The following ST7L variants were observed in gnomAD, a reference collection of about 807,000 sequenced individuals.
ST7L encodes suppression of tumorigenicity 7 like.
A neutral mutation model predicts 72.5 loss-of-function variants in ST7L; 57 were observed. The observed-to-expected ratio is 0.79, with a 90% confidence interval of 0.64 to 0.98. ST7L has a LOEUF of 0.98. Ranked by LOEUF, ST7L falls within the 50% of genes least tolerant of loss-of-function variation. The pLI is 0.00. For synonymous variants in ST7L, 221 were observed against 240.9 expected, an observed-to-expected ratio of 0.92 and a Z score of 0.77; for missense variants, 576 against 672.2, an observed-to-expected ratio of 0.86 and a Z score of 1.58.
intron 5 of ST7L, among the ~76,000 whole-genome samples, chr1:112,594,421 G>C (rs6691917): frequency 0.3 from 45,500 of 151,964 alleles, 7,549 homozygotes; most frequent in African/African-American, 0.44. Context: ...TATTCTGGCC[G>C]TGTATTCAAG....
chr1:112,525,539 C>A lies in ST7L; in HGVS notation c.*474G>T. ...CATCTCGGTGGCTATTCCTCATTTA[C>A]TTAAGATGTTTTAGTCATTCTGGAT... is the stretch of plus-strand genomic sequence containing the variant. On this transcript the variant is annotated 3_prime_UTR_variant, in exon 15 of 15. Coordinates refer to ENST00000358039, the MANE Select transcript of ST7L (RefSeq NM_017744.5). The A allele has an allele frequency of 6.8e-6, 1 of 147,328 alleles. No homozygotes were observed. 9.1% of individuals were successfully genotyped at this position (147,328 alleles called of 1,614,324 possible). A position where few individuals can be genotyped will look rare whatever the true frequency, so the allele number is the denominator to read the frequency against.
chr1:112,600,669 T>C (rs1463084501), intron 4 of ST7L, 125 bp downstream of exon 4: 1 of 803,720 alleles, frequency 1.2e-6, no homozygotes, highest in Admixed American at 2.9e-5. Context: ...CTAATCATTT[T>C]ACTTTATCAT....
intron 3 of ST7L, among the ~76,000 whole-genome samples, chr1:112,603,826 C>CTTA (rs952550971): frequency 2.0e-5 from 3 of 152,108 alleles, no homozygotes; most frequent in African/African-American, 4.8e-5. Flanking sequence ...TCTGGTATCT[C>CTTA]TTATTATTAT....
At position 112,611,107 on chromosome 1, in the gene ST7L, A is replaced by G. The variant is rs2101037049; in HGVS notation, c.289-104T>C. ...TGTCCTGTTCAATTCAGCATTTTAA[A>G]TGCACTCTCCTTTCAAAAAGAAAAA... On this transcript the variant is annotated intron_variant, in intron 2 of 14. Coordinates refer to ENST00000358039, the MANE Select transcript of ST7L (RefSeq NM_017744.5). 1.8e-6 allele frequency: 2 copies of G among 1,105,510 alleles called. 1 individual carries two copies. The highest frequency in any genetic ancestry group is 3.6e-5 in the South Asian group (2 of 55,576). 68.5% of individuals were successfully genotyped at this position (1,105,510 alleles called of 1,614,324 possible).
intron 2 of ST7L, among the ~76,000 whole-genome samples, chr1:112,613,272 GT>G (rs1669352237): frequency 6.6e-6 from 1 of 152,154 alleles, no homozygotes; most frequent in Non-Finnish European, 1.5e-5. Flanking sequence ...ATGAACAATG[GT>G]AATAATAACT....
rs112336950 is a variant in ST7L, at chr1:112,591,773, A to G, written c.623-170T>C. Among the ~76,000 whole-genome samples the G allele has an allele frequency of 1.3e-3, 202 of 152,284 alleles. 1 individual carries two copies. The highest frequency in any genetic ancestry group is 4.8e-3 in the African/African-American group (199 of 41,584). On this transcript the variant is annotated intron_variant, in intron 5 of 14. Transcript: ENST00000358039. ...TATCTATTATGAGAAATTTACATTA[A>G]ATTTGTAAGCTTCACATAAAATAAA...
intron 6 of ST7L, among the ~76,000 whole-genome samples, chr1:112,590,518 T>A (rs751108468): frequency 1.4e-4 from 21 of 152,226 alleles, no homozygotes; most frequent in Non-Finnish European, 2.8e-4. Flanking sequence ...GTCTTCTTAA[T>A]AAGGATAGCG....
chr1:112,518,992 A>G (rs1652712583), downstream of ST7L, among the ~76,000 whole-genome samples: 2 of 152,202 alleles, frequency 1.3e-5, no homozygotes, highest in African/African-American at 4.8e-5. Flanking sequence ...TTTAATTTTC[A>G]TTAATTTAGA....
Position 112,556,997 on chromosome 1 carries a change from A to AAAAAAAAAAC in ST7L, c.1246-980_1246-979insGTTTTTTTTT, listed in dbSNP as rs1557974323. On this transcript the variant is annotated intron_variant, in intron 11 of 14. Coordinates refer to ENST00000358039, the MANE Select transcript of ST7L (RefSeq NM_017744.5). ...AAAAAAAAAAAAACAAAAAAAAAAA[A>AAAAAAAAAAC]ACACAAAGAAAAGAAAAAAAAAGGT... is the stretch of plus-strand genomic sequence containing the variant. Among the ~76,000 whole-genome samples, 3 of 142,664 alleles carry AAAAAAAAAAC rather than the reference A, an allele frequency of 2.1e-5. 1 individual carries two copies. The highest frequency in any genetic ancestry group is 8.7e-5 in the African/African-American group (3 of 34,432). 93.6% of individuals were successfully genotyped at this position (142,664 alleles called of 152,430 possible). A position where few individuals can be genotyped will look rare whatever the true frequency, so the allele number is the denominator to read the frequency against.
chr1:112,541,637 T>C (rs1031223944), intron 14 of ST7L, among the ~76,000 whole-genome samples: 1 of 152,218 alleles, frequency 6.6e-6, no homozygotes, highest in Non-Finnish European at 1.5e-5. Flanking sequence ...GTTTACAAAA[T>C]AGGGTATTTT....
intron 7 of ST7L, among the ~76,000 whole-genome samples, chr1:112,583,654 C>T (rs750545621): frequency 2.0e-5 from 3 of 152,186 alleles, no homozygotes; most frequent in Non-Finnish European, 4.4e-5. Context: ...CTAGAAGGCT[C>T]TCCTGAATGC....
chr1:112,550,783 C>T (rs968173541), intron 12 of ST7L, 90 bp from the exon 13 acceptor site: 3 of 1,054,024 alleles, frequency 2.8e-6, no homozygotes, highest in Non-Finnish European at 2.8e-6. Context: ...ATTTCACATA[C>T]TATTTTCTTT....
In ST7L at chr1:112,610,968, T is replaced by C. The variant is rs767653430; in HGVS notation, c.324A>G (p.Thr108=). The change falls in exon 3 of 15, where the codon ACA becomes ACG. Residue 108 remains threonine, a synonymous_variant. Coordinates refer to ENST00000358039, the MANE Select transcript of ST7L (RefSeq NM_017744.5). ...TTACAGATACTTGCTCAATAAAAGA[T>C]GTGCCATGCTTATGGAAGTACCACC... The part of the protein sequence containing the change: ...FEWWYFHKHG[T]SFIEQVSVSH... 1 of 1,614,202 alleles carries C rather than the reference T, an allele frequency of 6.2e-7. No homozygotes were observed.
intron 3 of ST7L, among the ~76,000 whole-genome samples, chr1:112,608,361 T>C (rs1257521519): frequency 8.5e-5 from 13 of 152,134 alleles, no homozygotes; most frequent in Admixed American, 7.9e-4. Context: ...TCCTCTGTGA[T>C]ATATTTTGCG....
intron 13 of ST7L, among the ~76,000 whole-genome samples, chr1:112,549,033 T>C (rs1208209261): frequency 6.7e-6 from 1 of 150,214 alleles, no homozygotes; most frequent in Admixed American, 6.6e-5. Context: ...GTGTGAAAAA[T>C]CCCTCCTGGG....
chr1:112,541,513 T>A (rs1656094028), intron 14 of ST7L, among the ~76,000 whole-genome samples: 1 of 152,180 alleles, frequency 6.6e-6, no homozygotes, highest in African/African-American at 2.4e-5. Flanking sequence ...AAATGTCCCA[T>A]CTGTTCCCCC....
chr1:112,589,390 GATTTC>G (rs1298305786), intron 6 of ST7L, among the ~76,000 whole-genome samples: 1 of 151,940 alleles, frequency 6.6e-6, no homozygotes, highest in Non-Finnish European at 1.5e-5. Flanking sequence ...CACCCAACCT[GATTTC>G]TTTTCTTTCC....
At chr1:112,583,746 C>T (rs185118532) in intron 7 of ST7L, among the ~76,000 whole-genome samples, 171 of 152,338 alleles carry the variant, frequency 1.1e-3, no homozygotes, top group Non-Finnish European at 1.9e-3. Flanking sequence ...CAGAGCAGCA[C>T]ATCTTCTCTC....
upstream of ST7L, chr1:112,619,453 A>C (rs546364242): frequency 1.8e-6 from 1 of 542,734 alleles, no homozygotes; most frequent in East Asian, 3.0e-5. Context: ...CCAGCTGCCG[A>C]GCAGCTCTTA....
Sources: gnomAD v4.1 joint callset for allele counts (sites outside exome capture counted in the v4.1 genomes callset) on GRCh38, gnomAD v4.1.1 for gene constraint, MANE v1.5 for transcripts, NCBI Gene and HGNC (gene_info 2026-07-23, HGNC 2026-07-21) for gene names.